The following R3HDM2 variants were observed in gnomAD, a reference collection of about 807,000 sequenced individuals.
R3HDM2 encodes R3H domain-containing protein 2.
In R3HDM2, 38 loss-of-function variants were observed where a neutral mutation model predicts 124.5. The observed-to-expected ratio is 0.31, with a 90% confidence interval of 0.24 to 0.40. The LOEUF (loss-of-function observed/expected upper bound fraction) is 0.40, where lower values mean the gene tolerates loss of function less well. Ranked by LOEUF, R3HDM2 falls within the 10% of genes least tolerant of loss-of-function variation. The pLI, the probability that R3HDM2 is intolerant of heterozygous loss-of-function variation, is 1.00. For missense variants in R3HDM2, 869 were observed against 1,236.9 expected, an observed-to-expected ratio of 0.70 and a Z score of 4.46; for synonymous variants, 391 against 448.0, an observed-to-expected ratio of 0.87 and a Z score of 1.61.
chr12:57,316,006 C>A (rs1481951214), intron 2 of R3HDM2, among the ~76,000 whole-genome samples: 1 of 152,156 alleles, frequency 6.6e-6, no homozygotes, highest in Non-Finnish European at 1.5e-5. Context: ...GTGGTCCTAG[C>A]TACTTAGTTG....
intron 1 of R3HDM2, among the ~76,000 whole-genome samples, chr12:57,412,007 A>G (rs2069049095): frequency 6.6e-6 from 1 of 152,114 alleles, no homozygotes; most frequent in Non-Finnish European, 1.5e-5. Flanking sequence ...ACCTGCTGCC[A>G]TGTAAGACAT....
At chr12:57,371,286 C>CA (rs915706384) in intron 2 of R3HDM2, among the ~76,000 whole-genome samples, 1 of 149,078 alleles carries the variant, frequency 6.7e-6, no homozygotes, top group African/African-American at 2.5e-5. Flanking sequence ...ATTCATATAT[C>CA]AAAAAGAAAA....
chr12:57,405,965 T>C (rs1036578403), intron 1 of R3HDM2, among the ~76,000 whole-genome samples: 10 of 151,982 alleles, frequency 6.6e-5, no homozygotes, highest in African/African-American at 2.2e-4. Context: ...CCAAAGGACA[T>C]AGGAGCCAAC....
intron 1 of R3HDM2, among the ~76,000 whole-genome samples, chr12:57,403,354 T>C (rs575422857): frequency 2.7e-4 from 41 of 151,832 alleles, no homozygotes; most frequent in African/African-American, 9.7e-4. Context: ...TAGCTGGGCG[T>C]GATGGCGCAC....
At chr12:57,376,220 G>A (rs2064049817) in intron 2 of R3HDM2, among the ~76,000 whole-genome samples, 1 of 152,200 alleles carries the variant, frequency 6.6e-6, no homozygotes, top group Non-Finnish European at 1.5e-5. Flanking sequence ...CCTACCTGAA[G>A]AGCCTTACTC....
chr12:57,308,923 C>G (rs1002188514), intron 3 of R3HDM2, among the ~76,000 whole-genome samples: 2 of 152,140 alleles, frequency 1.3e-5, no homozygotes, highest in African/African-American at 2.4e-5. Flanking sequence ...GCTGGAAGTA[C>G]AGCTGGAACA....
intron 2 of R3HDM2, among the ~76,000 whole-genome samples, chr12:57,386,711 G>A (rs1467421582): frequency 6.6e-6 from 1 of 152,264 alleles, no homozygotes; most frequent in Non-Finnish European, 1.5e-5. Context: ...AGGATCCACT[G>A]GGTGAAGCCA....
chr12:57,413,901 C>G, intron 1 of R3HDM2, among the ~76,000 whole-genome samples: 1 of 134,850 alleles, frequency 7.4e-6, no homozygotes, highest in African/African-American at 2.8e-5. Context: ...GGCTGGAGTA[C>G]GTGGCACGGT....
chr12:57,330,323 C>G (rs1203391320), intron 2 of R3HDM2, among the ~76,000 whole-genome samples: 1 of 149,572 alleles, frequency 6.7e-6, no homozygotes, highest in Non-Finnish European at 1.5e-5. Context: ...ACTTTGTATC[C>G]TTCTATTTTG....
intron 12 of R3HDM2, among the ~76,000 whole-genome samples, chr12:57,287,998 A>C (rs2047724127): frequency 6.6e-6 from 1 of 150,526 alleles, no homozygotes; most frequent in South Asian, 2.1e-4. Flanking sequence ...ATTCTAAGGC[A>C]GAGAGGTCCC....
At chr12:57,428,608 T>A (rs1393905915) in intron 1 of R3HDM2, among the ~76,000 whole-genome samples, 1 of 151,626 alleles carries the variant, frequency 6.6e-6, no homozygotes, top group African/African-American at 2.4e-5. Flanking sequence ...TGAGCCGAGA[T>A]TGCACCACTG....
At chr12:57,337,788 GC>G (rs2059048043) in intron 2 of R3HDM2, among the ~76,000 whole-genome samples, 1 of 152,012 alleles carries the variant, frequency 6.6e-6, no homozygotes, top group Non-Finnish European at 1.5e-5. Flanking sequence ...CAATATGAAA[GC>G]CCCAGACTCG....
At chr12:57,316,427 G>C (rs1212817194) in intron 2 of R3HDM2, among the ~76,000 whole-genome samples, 1 of 151,932 alleles carries the variant, frequency 6.6e-6, no homozygotes, top group African/African-American at 2.4e-5. Context: ...GAATGGAAAA[G>C]GTTTCCTATT....
At chr12:57,386,045 A>G (rs537663882) in intron 2 of R3HDM2, among the ~76,000 whole-genome samples, 1 of 152,166 alleles carries the variant, frequency 6.6e-6, no homozygotes, top group Non-Finnish European at 1.5e-5. Context: ...AATAAAAAAA[A>G]TGCCACATTT....
At chr12:57,406,768 A>C (rs966823413) in intron 1 of R3HDM2, among the ~76,000 whole-genome samples, 7 of 152,190 alleles carry the variant, frequency 4.6e-5, no homozygotes, top group African/African-American at 1.7e-4. Flanking sequence ...AAAAATATTG[A>C]ATCTGAACCT....
At chr12:57,370,732 C>G (rs1456372439) in intron 2 of R3HDM2, among the ~76,000 whole-genome samples, 3 of 152,092 alleles carry the variant, frequency 2.0e-5, no homozygotes, top group African/African-American at 7.2e-5. Context: ...TGGACTAATA[C>G]AGAGGGCAAG....
chr12:57,345,283 C>T (rs2059977288), intron 2 of R3HDM2, among the ~76,000 whole-genome samples: 1 of 151,940 alleles, frequency 6.6e-6, no homozygotes, highest in Non-Finnish European at 1.5e-5. Flanking sequence ...TGGAAGCAAA[C>T]TTCACAAGTT....
At position 57,258,881 on chromosome 12, in the gene R3HDM2, T is replaced by C; in HGVS notation, c.2301+9A>G. 6.4e-7 allele frequency: 1 copy of C among 1,550,608 alleles called. No individual in the cohort carries two copies. Among genetic ancestry groups the C allele is most frequent in the Non-Finnish European group, 8.7e-7 (1 of 1,148,110 alleles). On this transcript the variant is annotated intron_variant, in intron 20 of 23. Transcript: ENST00000402412. ...TCCTTGCCAAGACAAGGCTGAGTGC[T>C]GCACTCACCTGGGGGCTGCTGTCAG...
intron 18 of R3HDM2, among the ~76,000 whole-genome samples, chr12:57,267,178 TCACAGA>T (rs1222957039): frequency 1.3e-5 from 2 of 150,792 alleles, no homozygotes; most frequent in East Asian, 1.9e-4. Flanking sequence ...AAAGAGAGTG[TCACAGA>T]CACAGACACA....
Sources: allele counts gnomAD v4.1 joint callset (sites outside exome capture counted in the v4.1 genomes callset), GRCh38; gene constraint gnomAD v4.1.1; transcripts MANE v1.5; gene names NCBI Gene and HGNC (gene_info 2026-07-23, HGNC 2026-07-21).